MS4A7: variants seen among roughly 807,000 people sequenced by gnomAD.
MS4A7 encodes membrane-spanning 4-domains subfamily A member 7.
MS4A7 carries 21 observed loss-of-function variants against 23.5 expected under a neutral mutation model. The observed-to-expected ratio is 0.89, with a 90% confidence interval of 0.63 to 1.29. MS4A7 has a LOEUF of 1.29. Ranked by LOEUF, MS4A7 falls within the 50% of genes most tolerant of loss-of-function variation. The pLI is 0.00. For missense variants in MS4A7, 263 were observed against 274.2 expected (o/e 0.96, Z 0.29); for synonymous variants, 111 against 107.4 (o/e 1.03, Z -0.21).
At position 60,386,698 on chromosome 11, in the gene MS4A7, T is replaced by A; in HGVS notation, c.283-19T>A. The stretch of plus-strand genomic sequence containing the variant: ...TCCACAAGACAACTGAACTGATCAT[T>A]TCTCTCTCTTCTGGGCAGTTTGGCA... On this transcript the variant is annotated intron_variant, in intron 3 of 6. Transcript: ENST00000300184. The A allele has an allele frequency of 6.2e-7, 1 of 1,603,778 alleles. No individual in the cohort carries two copies. The highest frequency in any genetic ancestry group is 8.5e-7 in the Non-Finnish European group (1 of 1,171,356).
chr11:60,386,206 T>G (rs2085485224), intron 3 of MS4A7, among the ~76,000 whole-genome samples: 1 of 152,360 alleles, frequency 6.6e-6, no homozygotes, highest in South Asian at 2.1e-4. Flanking sequence ...TGGGGCTTTA[T>G]GATAAAGACT....
At chr11:60,392,822 G>A (rs2085568520) in intron 6 of MS4A7, 36 bp downstream of exon 6, 2 of 1,432,348 alleles carry the variant, frequency 1.4e-6, no homozygotes, top group Non-Finnish European at 9.9e-7. Flanking sequence ...TACCTGCTGT[G>A]TCTCAGGTCC....
chr11:60,388,825 G>A (rs554046434), intron 4 of MS4A7, among the ~76,000 whole-genome samples: 11 of 152,316 alleles, frequency 7.2e-5, no homozygotes, highest in Admixed American at 2.6e-4. Flanking sequence ...GAAGGCATAT[G>A]CTTGTCATAT....
Position 60,393,894 on chromosome 11 carries a change from C to T in MS4A7, c.*33C>T, listed in dbSNP as rs751072642. The T allele has an allele frequency of 2.8e-6, 4 of 1,426,660 alleles. No homozygotes were observed. The East Asian group carries it at 9.5e-5, about 34-fold the overall frequency. The allele number at this position is 1,426,660 out of a possible 1,614,324, so 88.4% of individuals were successfully genotyped here. On this transcript the variant is annotated 3_prime_UTR_variant, in exon 7 of 7. Coordinates refer to ENST00000300184, the MANE Select transcript of MS4A7 (RefSeq NM_021201.5). Reference sequence around the variant, plus strand: ...TTGGCCTCAGAGGAAGGAAAAGCAACTCAACACTCATGGTCAAGTGTGATT... The same window carrying T: ...TTGGCCTCAGAGGAAGGAAAAGCAATTCAACACTCATGGTCAAGTGTGATT...
intron 3 of MS4A7, 34 bp downstream of exon 3, chr11:60,385,256 CT>C: frequency 6.2e-7 from 1 of 1,612,572 alleles, no homozygotes; most frequent in Non-Finnish European, 8.5e-7. Flanking sequence ...AGGGGACATG[CT>C]TTATAAATGC....
At chr11:60,386,852 C>A in intron 4 of MS4A7, 79 bp downstream of exon 4, 1 of 1,225,486 alleles carries the variant, frequency 8.2e-7, no homozygotes, top group Non-Finnish European at 1.2e-6. Flanking sequence ...TTAAAAATCC[C>A]TATTTTACAA....
chr11:60,394,442 C>T lies in MS4A7; in HGVS notation c.*581C>T, dbSNP rs962901389. ...ATGTCCCTGCCTCCCATGAATCTTACCATGTAAATCCAAATCTCTGCAATC... is the reference window on the plus strand; with the variant it reads ...ATGTCCCTGCCTCCCATGAATCTTATCATGTAAATCCAAATCTCTGCAATC... On this transcript the variant is annotated 3_prime_UTR_variant, in exon 7 of 7. Coordinates refer to ENST00000300184, the MANE Select transcript of MS4A7 (RefSeq NM_021201.5). 6.6e-6 allele frequency: 1 copy of T among 152,514 alleles called. No homozygotes were observed. Among genetic ancestry groups the T allele is most frequent in the African/African-American group, 2.4e-5 (1 of 41,432 alleles). The allele number at this position is 152,514 out of a possible 1,614,324, so 9.4% of individuals were successfully genotyped here. A position where few individuals can be genotyped will look rare whatever the true frequency, so the allele number is the denominator to read the frequency against.
chr11:60,391,409 T>C (rs1241532586), intron 5 of MS4A7, among the ~76,000 whole-genome samples: 1 of 152,132 alleles, frequency 6.6e-6, no homozygotes, highest in Non-Finnish European at 1.5e-5. Flanking sequence ...ATAAGATGCC[T>C]CCCTATCAAA....
Position 60,392,737 on chromosome 11 carries a change from C to A in MS4A7, c.599C>A (p.Ala200Glu), listed in dbSNP as rs1028430569. 11 of 1,613,904 alleles carry A rather than the reference C, an allele frequency of 6.8e-6. No homozygotes were observed. The highest frequency in any genetic ancestry group is 7.6e-6 in the Non-Finnish European group (9 of 1,179,970). ...ACTGTGCTGGAGCTCTTATTAGCTG[C>A]ATACAGTTCTGTCTTTTGGTGGAAA... ...IFTVLELLLA[A>E]YSSVFWWKQL... Residue 200 changes from alanine to glutamate, a missense_variant, in exon 6 of 7, where the codon GCA becomes GAA. Physicochemically the swap from Ala to Glu is moderately radical, Grantham distance 107. Transcript: ENST00000300184.
chr11:60,384,144 T>C (rs1036877477), intron 2 of MS4A7, among the ~76,000 whole-genome samples: 9 of 152,224 alleles, frequency 5.9e-5, no homozygotes, highest in Non-Finnish European at 1.3e-4. Context: ...CCTGTTTCTT[T>C]ACAATCTATT....
intron 2 of MS4A7, 150 bp from the exon 3 acceptor site, chr11:60,384,938 G>A: frequency 1.6e-6 from 1 of 611,344 alleles, no homozygotes; most frequent in East Asian, 2.9e-5. Context: ...TTCTCTAGAA[G>A]CATATCGATT....
At chr11:60,391,783 G>T (rs2085554059) in intron 5 of MS4A7, among the ~76,000 whole-genome samples, 1 of 151,952 alleles carries the variant, frequency 6.6e-6, no homozygotes, top group African/African-American at 2.4e-5. Flanking sequence ...GTCAGGGAGG[G>T]TGGTACATGC....
rs1332368424 is a variant in MS4A7 at position 60,386,726 on chromosome 11, A to C, written c.292A>C (p.Thr98Pro). Reference sequence around the variant, plus strand: ...TCTCTCTTCTGGGCAGTTTGGCATTACTGGATCCCTCTCAATTATCTCTGG... The same window carrying C: ...TCTCTCTTCTGGGCAGTTTGGCATTCCTGGATCCCTCTCAATTATCTCTGG... ...PFLGALCFGI[T>P]GSLSIISGKQ... is the part of the protein sequence containing the mutation. Residue 98 changes from threonine to proline, a missense_variant, in exon 4 of 7, where the codon ACT (threonine) becomes CCT (proline). Coordinates refer to ENST00000300184, the MANE Select transcript of MS4A7 (RefSeq NM_021201.5). 4 of 1,613,024 alleles carry C rather than the reference A, an allele frequency of 2.5e-6. No individual in the cohort carries two copies. Among genetic ancestry groups the C allele is most frequent in the Non-Finnish European group, 3.4e-6 (4 of 1,179,208 alleles).
In MS4A7 at chr11:60,385,141, T is replaced by C. The variant is rs2085471495; in HGVS notation, c.201T>C (p.Val67=). ...TTTCAAGTCTGGGGGCCATCTTGGTTTTTGCTCCCTACCCCTCCCACTTCA... is the reference window on the plus strand; with the variant it reads ...TTTCAAGTCTGGGGGCCATCTTGGTCTTTGCTCCCTACCCCTCCCACTTCA... ...LLISSLGAIL[V]FAPYPSHFNP... is the part of the protein sequence containing the mutation. Residue 67 remains valine, a synonymous_variant, in exon 3 of 7, where the codon GTT becomes GTC. Coordinates refer to ENST00000300184, the MANE Select transcript of MS4A7 (RefSeq NM_021201.5). 6.2e-7 allele frequency: 1 copy of C among 1,614,152 alleles called. No homozygotes were observed. Among genetic ancestry groups the C allele is most frequent in the African/African-American group, 1.3e-5 (1 of 75,042 alleles).
At chr11:60,388,256 T>C (rs540486949) in intron 4 of MS4A7, among the ~76,000 whole-genome samples, 1 of 152,344 alleles carries the variant, frequency 6.6e-6, no homozygotes, top group Non-Finnish European at 1.5e-5. Context: ...TTCAGTGCAT[T>C]TGGGAAGCCA....
intron 6 of MS4A7, among the ~76,000 whole-genome samples, chr11:60,393,412 C>A (rs936863745): frequency 6.6e-6 from 1 of 152,148 alleles, no homozygotes; most frequent in Non-Finnish European, 1.5e-5. Context: ...AGCCAAGTTT[C>A]CTTGTTAATG....
chr11:60,384,042 T>A (rs796831314), intron 2 of MS4A7, among the ~76,000 whole-genome samples: 2 of 152,176 alleles, frequency 1.3e-5, no homozygotes, highest in South Asian at 2.1e-4. Context: ...TCATCATCCC[T>A]CATATCCAGA....
chr11:60,392,526 C>T (rs1297030645), intron 5 of MS4A7, among the ~76,000 whole-genome samples, 159 bp from the exon 6 acceptor site: 1 of 152,178 alleles, frequency 6.6e-6, no homozygotes, highest in Non-Finnish European at 1.5e-5. Context: ...TTCCCTTCAT[C>T]TATTAAGAAA....
At chr11:60,381,757 T>A (rs2085430499) in intron 1 of MS4A7, among the ~76,000 whole-genome samples, 1 of 152,138 alleles carries the variant, frequency 6.6e-6, no homozygotes, top group African/African-American at 2.4e-5. Flanking sequence ...ACCACAAACC[T>A]ATGAAGTGGT....
Sources: allele counts gnomAD v4.1 joint callset (sites outside exome capture counted in the v4.1 genomes callset), GRCh38; gene constraint gnomAD v4.1.1; transcripts MANE v1.5; gene names NCBI Gene and HGNC (gene_info 2026-07-23, HGNC 2026-07-21).